The following FYN variants were observed in gnomAD, a reference collection of about 807,000 sequenced individuals.
The protein encoded by FYN is tyrosine-protein kinase Fyn.
Under a neutral mutation model 70.2 loss-of-function variants are expected in FYN, and 10 were observed. The observed-to-expected ratio is 0.14, with a 90% CI of 0.09 to 0.24. FYN has a LOEUF of 0.24. FYN is among the 10% of genes least tolerant of loss of function. The probability of loss-of-function intolerance (pLI) is 1.00; values close to 1 mark genes in which losing one functional copy is unlikely to be tolerated. For synonymous variants in FYN, 236 were observed against 248.6 expected, an observed-to-expected ratio of 0.95 and a Z score of 0.48; for missense variants, 319 against 673.1, an observed-to-expected ratio of 0.47 and a Z score of 5.82.
chr6:111,773,799 A>C (rs189686872), intron 3 of FYN, among the ~76,000 whole-genome samples: 6 of 152,284 alleles, frequency 3.9e-5, no homozygotes, highest in Non-Finnish European at 7.4e-5. Flanking sequence ...CTTTTCATTC[A>C]ATATGGTTTT....
At chr6:111,847,102 C>A (rs1327426575) in intron 1 of FYN, among the ~76,000 whole-genome samples, 4 of 152,198 alleles carry the variant, frequency 2.6e-5, no homozygotes, top group Non-Finnish European at 4.4e-5. Context: ...TGTGGGTGGG[C>A]CCCGCTGTCA....
intron 1 of FYN, among the ~76,000 whole-genome samples, chr6:111,850,967 T>C (rs1773669104): frequency 6.6e-6 from 1 of 152,186 alleles, no homozygotes; most frequent in South Asian, 2.1e-4. Flanking sequence ...ACTAGCTCAT[T>C]CTCCTGTGTC....
intron 3 of FYN, among the ~76,000 whole-genome samples, chr6:111,770,424 CT>C (rs1018642647): frequency 1.6e-4 from 24 of 152,122 alleles, no homozygotes; most frequent in Middle Eastern, 3.4e-3. Flanking sequence ...TTAAATGTGG[CT>C]GATGGTGGGA....
intron 2 of FYN, among the ~76,000 whole-genome samples, chr6:111,837,861 T>G (rs1000697787): frequency 6.6e-6 from 1 of 152,230 alleles, no homozygotes; most frequent in South Asian, 2.1e-4. Flanking sequence ...CATGGCAGCC[T>G]TATCTGGAGG....
intron 2 of FYN, among the ~76,000 whole-genome samples, chr6:111,801,178 C>A (rs1291849611): frequency 2.6e-5 from 4 of 152,154 alleles, no homozygotes; most frequent in African/African-American, 9.7e-5. Flanking sequence ...GGCGATGCTG[C>A]AGGTGGCCAA....
intron 1 of FYN, among the ~76,000 whole-genome samples, chr6:111,861,992 C>T (rs1314574226): frequency 6.6e-6 from 1 of 152,154 alleles, no homozygotes; most frequent in Non-Finnish European, 1.5e-5. Flanking sequence ...AAGGCACTTC[C>T]ACAGCCAAAA....
intron 2 of FYN, among the ~76,000 whole-genome samples, chr6:111,827,702 CCACA>C: frequency 6.6e-6 from 1 of 152,302 alleles, no homozygotes; most frequent in East Asian, 1.9e-4. Flanking sequence ...TTTTACCCAC[CCACA>C]CAATTACAGT....
At chr6:111,712,049 G>A (rs921030060) in intron 5 of FYN, among the ~76,000 whole-genome samples, 5 of 152,128 alleles carry the variant, frequency 3.3e-5, no homozygotes, top group Middle Eastern at 3.2e-3. Flanking sequence ...AGATTGAGAC[G>A]GATTGGATCC....
chr6:111,719,301 G>A (rs1800823515), intron 4 of FYN, among the ~76,000 whole-genome samples: 1 of 147,732 alleles, frequency 6.8e-6, no homozygotes, highest in Admixed American at 6.7e-5. Context: ...TGAAAGACAA[G>A]GAAACTTCCA....
intron 3 of FYN, among the ~76,000 whole-genome samples, chr6:111,779,039 T>C (rs62413687): frequency 0.053 from 8,043 of 151,876 alleles, 468 homozygotes; most frequent in African/African-American, 0.15. Flanking sequence ...GTCCTTTTAA[T>C]TGAACCAAGG....
intron 13 of FYN, among the ~76,000 whole-genome samples, chr6:111,666,782 G>A (rs1388075671): frequency 2.0e-5 from 3 of 152,144 alleles, no homozygotes; most frequent in African/African-American, 7.2e-5. Context: ...GTAGTGAGCT[G>A]AAATGGTGCC....
chr6:111,668,720 A>C (rs1798122474), intron 13 of FYN, among the ~76,000 whole-genome samples: 5 of 152,128 alleles, frequency 3.3e-5, no homozygotes, highest in Admixed American at 3.3e-4. Flanking sequence ...AGGAGGTGAC[A>C]GCATGACCTC....
Position 111,694,266 on chromosome 6 carries a change from A to AT in FYN, c.1273+108dup, listed in dbSNP as rs571609070. On this transcript the variant is annotated intron_variant, in intron 12 of 13. Coordinates refer to ENST00000354650, the MANE Select transcript of FYN (RefSeq NM_002037.5). The surrounding 1 kb of genome is among the most constrained non-coding windows in gnomAD (Gnocchi z 5.0). ...TGTCCAAACCAAGCTGAAGAATGAC[A>AT]TTTCAAGTATTTTCTGAAGGAAGGG... 1.9e-4 allele frequency: 261 copies of AT among 1,398,522 alleles called. No homozygotes were observed. The African/African-American group carries it at 3.3e-3, about 18-fold the overall frequency. 86.6% of individuals were successfully genotyped at this position (1,398,522 alleles called of 1,614,324 possible).
intron 1 of FYN, among the ~76,000 whole-genome samples, chr6:111,851,013 A>T (rs182667871): frequency 7.9e-5 from 12 of 152,238 alleles, no homozygotes; most frequent in African/African-American, 2.7e-4. Flanking sequence ...AAGGTTAGAG[A>T]TGGCAGCAAC....
At chr6:111,688,446 T>C (rs1447863553) in intron 12 of FYN, among the ~76,000 whole-genome samples, 1 of 152,056 alleles carries the variant, frequency 6.6e-6, no homozygotes, top group Non-Finnish European at 1.5e-5. Flanking sequence ...CACAAGAGTG[T>C]GGGGGGGTTG....
chr6:111,715,301 G>A (rs1328699485), intron 4 of FYN, among the ~76,000 whole-genome samples: 2 of 150,972 alleles, frequency 1.3e-5, no homozygotes, highest in African/African-American at 2.4e-5. Flanking sequence ...GGCTGGTCTC[G>A]AATTCCTGGG....
At chr6:111,698,603 T>A (rs1799683627) in intron 9 of FYN, among the ~76,000 whole-genome samples, 1 of 152,174 alleles carries the variant, frequency 6.6e-6, no homozygotes. Flanking sequence ...CCTAAACCCA[T>A]GAATTGTTTC....
intron 12 of FYN, among the ~76,000 whole-genome samples, chr6:111,692,936 G>A (rs1360926984): frequency 6.6e-6 from 1 of 152,202 alleles, no homozygotes; most frequent in Admixed American, 6.5e-5. Context: ...GATACAGCAT[G>A]CCATCTGGCC....
chr6:111,707,935 T>C lies in FYN; in HGVS notation c.430A>G (p.Ile144Val), dbSNP rs1306312823. Reference sequence around the variant, plus strand: ...AATGAAACATACTCTTCTGCCTGGATAGAGTCAACTGGAGCCACATAATTG... The same window carrying C: ...AATGAAACATACTCTTCTGCCTGGACAGAGTCAACTGGAGCCACATAATTG... ...PSNYVAPVDS[I>V]QAEEWYFGKL... The change falls in exon 6 of 14, where the codon ATC (isoleucine) becomes GTC (valine). Residue 144 changes from isoleucine to valine, a missense_variant. Physicochemically the swap from Ile to Val is conservative, Grantham distance 29. Transcript: ENST00000354650. 5 of 1,613,068 alleles carry C rather than the reference T, an allele frequency of 3.1e-6. No homozygotes were observed. In the African/African-American group the frequency reaches 4.0e-5, roughly 13 times the overall value.
Sources: allele counts gnomAD v4.1 joint callset (sites outside exome capture counted in the v4.1 genomes callset), GRCh38; gene constraint gnomAD v4.1.1; non-coding constraint Gnocchi (gnomAD v3.1); transcripts MANE v1.5; gene names NCBI Gene and HGNC (gene_info 2026-07-23, HGNC 2026-07-21).